The following MARCHF1 variants were observed in gnomAD, a reference collection of about 807,000 sequenced individuals.
The protein encoded by MARCHF1 is membrane associated ring-CH-type finger 1.
A neutral mutation model predicts 54.2 loss-of-function variants in MARCHF1; 40 were observed. The ratio of observed to expected loss-of-function variants is 0.74; its 90% CI spans 0.57 to 0.96. The LOEUF is 0.96. Among genes scored for constraint, MARCHF1 ranks in the 40% least tolerant of loss-of-function variants. The pLI, the probability that MARCHF1 is intolerant of heterozygous loss-of-function variation, is 0.00. For missense variants in MARCHF1, 586 were observed against 656.5 expected (o/e 0.89, Z 1.17); for synonymous variants, 236 against 236.3 (o/e 1.00, Z 0.01).
chr4:163,783,546 T>G (rs552687725), intron 4 of MARCHF1, among the ~76,000 whole-genome samples: 4 of 152,238 alleles, frequency 2.6e-5, no homozygotes, highest in Non-Finnish European at 5.9e-5. Flanking sequence ...CTGAGTCATC[T>G]GTCTTCACCG....
chr4:163,790,100 GT>G (rs1025940555), intron 4 of MARCHF1, among the ~76,000 whole-genome samples: 17 of 151,988 alleles, frequency 1.1e-4, no homozygotes. Flanking sequence ...AGATTTCTTT[GT>G]AGCACTTGGT....
Position 163,971,958 on chromosome 4 carries a change from T to C in MARCHF1, c.-39+16543A>G, listed in dbSNP as rs547381216. 4.5e-4 allele frequency among the ~76,000 whole-genome samples: 68 copies of C among 152,250 alleles called. No individual in the cohort carries two copies. In the East Asian group the frequency reaches 0.011, roughly 24 times the overall value. On this transcript the variant is annotated intron_variant, in intron 3 of 9. Coordinates refer to ENST00000514618, the MANE Select transcript of MARCHF1 (RefSeq NM_001394959.1). ...GACTTGGAACCAACCCAAATGTCCA[T>C]CAATGATAGACTGGATAAAGAAAAC... is the stretch of plus-strand genomic sequence containing the variant.
At chr4:164,132,656 C>T (rs1756325891) in intron 1 of MARCHF1, among the ~76,000 whole-genome samples, 1 of 152,162 alleles carries the variant, frequency 6.6e-6, no homozygotes, top group South Asian at 2.1e-4. Context: ...CTCCACTGAC[C>T]ATCGACATAA....
chr4:164,227,896 G>A (rs1351235898), intron 1 of MARCHF1, among the ~76,000 whole-genome samples: 1 of 152,012 alleles, frequency 6.6e-6, no homozygotes, highest in African/African-American at 2.4e-5. Flanking sequence ...GATACAGGCT[G>A]GTGATTAATA....
intron 2 of MARCHF1, among the ~76,000 whole-genome samples, chr4:164,036,657 A>G (rs991134415): frequency 2.6e-5 from 4 of 152,314 alleles, no homozygotes; most frequent in Admixed American, 6.5e-5. Context: ...AATTACAGAC[A>G]ATTCATGAAA....
intron 3 of MARCHF1, among the ~76,000 whole-genome samples, chr4:163,922,181 C>CG (rs1444742622): frequency 3.1e-4 from 10 of 31,868 alleles, no homozygotes; most frequent in East Asian, 7.0e-4. Flanking sequence ...CACATGGATG[C>CG]GGGGGGGAGC....
intron 1 of MARCHF1, among the ~76,000 whole-genome samples, chr4:164,358,221 G>A (rs1415282217): frequency 2.0e-5 from 3 of 152,142 alleles, no homozygotes; most frequent in African/African-American, 7.2e-5. Flanking sequence ...ACGTGTTAAT[G>A]AAGATTTAGA....
intron 1 of MARCHF1, among the ~76,000 whole-genome samples, chr4:164,195,646 T>G (rs904193772): frequency 6.6e-6 from 1 of 152,160 alleles, no homozygotes; most frequent in Non-Finnish European, 1.5e-5. Context: ...ACTTTCATGA[T>G]CTATAAAATA....
At chr4:163,924,515 G>A (rs1415737592) in intron 3 of MARCHF1, among the ~76,000 whole-genome samples, 2 of 152,026 alleles carry the variant, frequency 1.3e-5, no homozygotes, top group African/African-American at 2.4e-5. Context: ...GTCAGTGGTT[G>A]AGCTGCAGGT....
At chr4:163,906,810 T>G (rs1244576523) in intron 3 of MARCHF1, among the ~76,000 whole-genome samples, 1 of 131,630 alleles carries the variant, frequency 7.6e-6, no homozygotes, top group Non-Finnish European at 1.6e-5. Flanking sequence ...GTTTCTAAGA[T>G]TTGATCTTGA....
At chr4:163,633,491 T>A (rs1222181670) in intron 5 of MARCHF1, among the ~76,000 whole-genome samples, 1 of 152,144 alleles carries the variant, frequency 6.6e-6, no homozygotes, top group African/African-American at 2.4e-5. Flanking sequence ...CAAGGAAAGG[T>A]ATCAGCGATG....
chr4:164,090,569 C>T (rs1755277155), intron 2 of MARCHF1, among the ~76,000 whole-genome samples: 1 of 151,772 alleles, frequency 6.6e-6, no homozygotes, highest in African/African-American at 2.4e-5. Flanking sequence ...TATAGCTTCA[C>T]AATAAAATAT....
chr4:164,197,083 T>A, intron 1 of MARCHF1: 1 of 1,606,770 alleles, frequency 6.2e-7, no homozygotes, highest in South Asian at 1.1e-5. Context: ...TCCATCGTTA[T>A]AACCTTCTTC....
At chr4:163,679,678 T>G (rs1744033784) in intron 5 of MARCHF1, among the ~76,000 whole-genome samples, 2 of 151,456 alleles carry the variant, frequency 1.3e-5, no homozygotes, top group African/African-American at 4.9e-5. Context: ...AGTGGCACAG[T>G]CTAGACTCAC....
intron 3 of MARCHF1, among the ~76,000 whole-genome samples, chr4:163,887,931 T>G (rs1473842977): frequency 2.0e-5 from 3 of 152,206 alleles, no homozygotes; most frequent in Admixed American, 2.0e-4. Context: ...TTCCATTTAA[T>G]GTTCCTTTGC....
In MARCHF1 at chr4:163,723,975, T is replaced by A. The variant is rs190463176; in HGVS notation, c.112-23112A>T. On this transcript the variant is annotated intron_variant, in intron 4 of 9. Transcript: ENST00000514618. ...TTCTTTGCCTTGGGTTCAAACTTCC[T>A]CCTTTAGCTCGGAGAAGTTTGATCG... Among the ~76,000 whole-genome samples the A allele has an allele frequency of 3.6e-3, 548 of 152,338 alleles. 3 individuals carry two copies. The highest frequency in any genetic ancestry group is 0.013 in the African/African-American group (524 of 41,576).
At chr4:163,616,481 T>C (rs1741513146) in intron 5 of MARCHF1, among the ~76,000 whole-genome samples, 1 of 152,042 alleles carries the variant, frequency 6.6e-6, no homozygotes, top group African/African-American at 2.4e-5. Context: ...GACAGACAAA[T>C]GGCCAATACA....
intron 4 of MARCHF1, among the ~76,000 whole-genome samples, chr4:163,848,954 A>G (rs896023464): frequency 6.6e-6 from 1 of 152,232 alleles, no homozygotes; most frequent in African/African-American, 2.4e-5. Flanking sequence ...AAGTCAGTCA[A>G]TGCAGAGCAG....
chr4:163,853,070 T>C (rs892315300), intron 4 of MARCHF1, among the ~76,000 whole-genome samples: 1 of 152,180 alleles, frequency 6.6e-6, no homozygotes, highest in Non-Finnish European at 1.5e-5. Flanking sequence ...GACTCCAGAC[T>C]TTAGAACTGT....
Sources: gnomAD v4.1 joint callset for allele counts (sites outside exome capture counted in the v4.1 genomes callset) on GRCh38, gnomAD v4.1.1 for gene constraint, MANE v1.5 for transcripts, NCBI Gene and HGNC (gene_info 2026-07-23, HGNC 2026-07-21) for gene names.